UBA1: variants seen among roughly 807,000 people sequenced by gnomAD.
The protein encoded by UBA1 is ubiquitin like modifier activating enzyme 1, also known as ubiquitin-like modifier-activating enzyme 1.
UBA1 carries 4 observed loss-of-function variants against 84.7 expected under a neutral mutation model. That is an observed-to-expected ratio of 0.05 (90% confidence interval 0.02 to 0.11). UBA1 has a LOEUF of 0.11. UBA1 is among the 10% of genes least tolerant of loss of function. UBA1 has a pLI of 1.00. For missense variants in UBA1, 513 were observed against 902.8 expected, an observed-to-expected ratio of 0.57 and a Z score of 5.53; for synonymous variants, 364 against 362.6, an observed-to-expected ratio of 1.00 and a Z score of -0.04.
At chrX:47,197,700 ACT>A (rs1469712143) in intron 1 of UBA1, 4 of 678,679 alleles carry the variant, frequency 5.9e-6, no homozygotes, top group East Asian at 1.6e-4. Context: ...AGGACACTAA[ACT>A]CTGCCTTGCT....
chrX:47,202,081 G>T, intron 8 of UBA1, 75 bp from the exon 9 acceptor site: 1 of 879,652 alleles, frequency 1.1e-6, no homozygotes. Flanking sequence ...CGGGGCAGGA[G>T]GTTCCTTATC....
At chrX:47,197,331 ATTG>A (rs1311366981) in intron 1 of UBA1, 3 of 753,485 alleles carry the variant, frequency 4.0e-6, no homozygotes, top group Non-Finnish European at 4.7e-6. Context: ...GGTCATGGGG[ATTG>A]TTAAGATTAG....
chrX:47,199,976 G>A (rs1473662402), intron 5 of UBA1, among the ~76,000 whole-genome samples: 3 of 109,831 alleles, frequency 2.7e-5, no homozygotes, highest in East Asian at 2.9e-4. Flanking sequence ...TAGTAGAGAC[G>A]GGGTTTCACT....
intron 21 of UBA1, 54 bp from the exon 22 acceptor site, chrX:47,212,717 C>A: frequency 9.3e-7 from 1 of 1,079,340 alleles, no homozygotes; most frequent in Non-Finnish European, 1.3e-6. Flanking sequence ...GGATACACAT[C>A]TTCTTTATCT....
intron 1 of UBA1, chrX:47,197,161 C>T: frequency 1.3e-6 from 1 of 755,085 alleles, no homozygotes. Flanking sequence ...AGCCAGCCTG[C>T]TGCCTCCCCT....
chrX:47,198,737 C>G, intron 1 of UBA1, 66 bp from the exon 2 acceptor site: 1 of 1,050,975 alleles, frequency 9.5e-7, no homozygotes, highest in South Asian at 1.9e-5. Context: ...CCCACAGTTG[C>G]TACTAACAAA....
chrX:47,202,896 G>A, intron 11 of UBA1, 47 bp from the exon 12 acceptor site: 12 of 1,202,006 alleles, frequency 1.0e-5, no homozygotes, highest in Non-Finnish European at 1.4e-5. Context: ...TCTGTGTCAG[G>A]CCCCTGTTAA....
intron 13 of UBA1, 112 bp from the exon 14 acceptor site, chrX:47,203,429 G>C: frequency 1.0e-6 from 1 of 971,889 alleles, no homozygotes; most frequent in Non-Finnish European, 1.5e-6. Flanking sequence ...ACCTGAAGAT[G>C]TGGTGTTAGC....
At chrX:47,195,587 C>T (rs1166878213) in intron 1 of UBA1, among the ~76,000 whole-genome samples, 1 of 111,202 alleles carries the variant, frequency 9.0e-6, no homozygotes, top group African/African-American at 3.3e-5. Context: ...AGAAAACCCT[C>T]TTCTCAGCAT....
intron 1 of UBA1, among the ~76,000 whole-genome samples, chrX:47,195,721 C>T (rs781847240): frequency 6.3e-5 from 7 of 110,871 alleles, no homozygotes; most frequent in African/African-American, 9.9e-5. Flanking sequence ...CCCAGCTTCC[C>T]GTTTCCACAC....
Position 47,202,793 on chromosome X carries a change from G to A in UBA1, c.1212G>A (p.Leu404=), listed in dbSNP as rs1421731460. The change falls in exon 11 of 26, where the codon CTG becomes CTA. Residue 404 remains leucine, a synonymous_variant. Transcript: ENST00000335972. ...LAPINAFIGG[L]AAQEVMKACS... ...CCATAAACGCCTTCATTGGGGGCCTGGCTGCCCAGGAAGTCATGAAGGTCA... is the reference window on the plus strand; with the variant it reads ...CCATAAACGCCTTCATTGGGGGCCTAGCTGCCCAGGAAGTCATGAAGGTCA... 8.3e-7 allele frequency: 1 copy of A among 1,206,225 alleles called. No homozygotes were observed. Among genetic ancestry groups the A allele is most frequent in the African/African-American group, 1.7e-5 (1 of 57,188 alleles).
chrX:47,209,296 G>A (rs1480073322), intron 16 of UBA1: 2 of 420,834 alleles, frequency 4.8e-6, no homozygotes, highest in Non-Finnish European at 8.3e-6. Context: ...TGGGATTACA[G>A]GCATCTGCCA....
intron 1 of UBA1, among the ~76,000 whole-genome samples, chrX:47,195,793 C>G (rs1471370873): frequency 1.8e-5 from 2 of 111,161 alleles, no homozygotes; most frequent in Non-Finnish European, 3.8e-5. Flanking sequence ...CCTTTGTGTT[C>G]CATTAGAAAC....
In UBA1 at chrX:47,212,451, C is replaced by T. The variant is rs1384682648; in HGVS notation, c.2492C>T (p.Ala831Val). 1.7e-6 allele frequency: 2 copies of T among 1,208,523 alleles called. No homozygotes were observed. The highest frequency in any genetic ancestry group is 2.2e-6 in the Non-Finnish European group (2 of 894,150). ...GACAGTCGTCTAGAGGAGCTCAAAG[C>T]CACTCTGCCCAGCCCAGACAAGCTC... Reference protein sequence around the residue: ...VDDSRLEELKATLPSPDKLPG... With the variant: ...VDDSRLEELKVTLPSPDKLPG... The change falls in exon 21 of 26, where the codon GCC becomes GTC. Residue 831 changes from alanine to valine, a missense_variant. Coordinates refer to ENST00000335972, the MANE Select transcript of UBA1 (RefSeq NM_003334.4).
chrX:47,212,653 G>A, intron 21 of UBA1, 118 bp from the exon 22 acceptor site: 2 of 864,170 alleles, frequency 2.3e-6, no homozygotes, highest in Non-Finnish European at 1.7e-6. Context: ...ATGAGTAGGT[G>A]TTCCCAGCCA....
intron 5 of UBA1, 74 bp downstream of exon 5, chrX:47,199,688 A>G: frequency 8.8e-7 from 1 of 1,140,813 alleles, no homozygotes; most frequent in Non-Finnish European, 1.2e-6. Context: ...AGTAGTGTTC[A>G]ATATTGATTT....
intron 14 of UBA1, chrX:47,205,575 T>C (rs782659554): frequency 5.1e-5 from 18 of 351,564 alleles, no homozygotes; most frequent in South Asian, 4.9e-4. Flanking sequence ...CCTTTATAGG[T>C]GTTTGGGCCA....
At chrX:47,194,983 C>T (rs1261182039) in intron 1 of UBA1, among the ~76,000 whole-genome samples, 3 of 111,425 alleles carry the variant, frequency 2.7e-5, no homozygotes, top group Admixed American at 1.9e-4. Flanking sequence ...TTGCAGATCC[C>T]GTTGGCTTCT....
At chrX:47,206,191 G>A in intron 15 of UBA1, 57 bp from the exon 16 acceptor site, 7 of 1,178,292 alleles carry the variant, frequency 5.9e-6, no homozygotes, top group South Asian at 3.7e-5. Context: ...AGGGGTGTCC[G>A]TCTTTCTGTC....
Sources: gnomAD v4.1 joint callset for allele counts (sites outside exome capture counted in the v4.1 genomes callset) on GRCh38, gnomAD v4.1.1 for gene constraint, MANE v1.5 for transcripts, NCBI Gene and HGNC (gene_info 2026-07-23, HGNC 2026-07-21) for gene names.